Variants in PLSCR4 observed in about 807,000 individuals in gnomAD.
PLSCR4 encodes the protein phospholipid scramblase 4.
In PLSCR4, 25 loss-of-function variants were observed where a neutral mutation model predicts 36.3. The ratio of observed to expected loss-of-function variants is 0.69; its 90% CI spans 0.50 to 0.96. The LOEUF (loss-of-function observed/expected upper bound fraction) is 0.96, where lower values mean the gene tolerates loss of function less well. Among genes scored for constraint, PLSCR4 ranks in the 40% least tolerant of loss-of-function variants. The pLI is 0.00. For synonymous variants in PLSCR4, 122 were observed against 132.9 expected, an observed-to-expected ratio of 0.92 and a Z score of 0.56; for missense variants, 408 against 414.7, an observed-to-expected ratio of 0.98 and a Z score of 0.14.
chr3:146,203,674 T>A (rs998950231), intron 4 of PLSCR4, among the ~76,000 whole-genome samples: 1 of 151,336 alleles, frequency 6.6e-6, no homozygotes, highest in Non-Finnish European at 1.5e-5. Context: ...AGCTTCAAAC[T>A]TTTTTTTTCT....
At chr3:146,196,415 A>T (rs555988580) in intron 7 of PLSCR4, 1 of 494,550 alleles carries the variant, frequency 2.0e-6, no homozygotes, top group African/African-American at 1.9e-5. Flanking sequence ...TTTTATTTTT[A>T]TCAAGTACTG....
At chr3:146,221,886 G>A (rs2077799289) in intron 2 of PLSCR4, among the ~76,000 whole-genome samples, 179 bp downstream of exon 2, 1 of 151,744 alleles carries the variant, frequency 6.6e-6, no homozygotes, top group Admixed American at 6.6e-5. Flanking sequence ...TGATAGGAAT[G>A]TCTATATACA....
chr3:146,201,794 T>C lies in PLSCR4; in HGVS notation c.355-717A>G, dbSNP rs566770383. Among the ~76,000 whole-genome samples the C allele has an allele frequency of 1.2e-4, 18 of 152,074 alleles. No homozygotes were observed. The Middle Eastern group carries it at 9.5e-3, about 80-fold the overall frequency. The stretch of plus-strand genomic sequence containing the variant: ...ATTAGAGAAATTTCTATCTTAGGAA[T>C]CATTCTAAAGATGAGCAGTTTGATG... On this transcript the variant is annotated intron_variant, in intron 4 of 8. Coordinates refer to ENST00000354952, the MANE Select transcript of PLSCR4 (RefSeq NM_020353.3).
intron 3 of PLSCR4, among the ~76,000 whole-genome samples, chr3:146,213,507 G>C (rs2034731608): frequency 6.6e-6 from 1 of 151,842 alleles, no homozygotes; most frequent in Non-Finnish European, 1.5e-5. Flanking sequence ...ATTTTTAGTA[G>C]AGATGGGATT....
chr3:146,214,083 A>G (rs1216034255), intron 3 of PLSCR4, among the ~76,000 whole-genome samples: 1 of 149,624 alleles, frequency 6.7e-6, no homozygotes, highest in Admixed American at 6.6e-5. Flanking sequence ...TTTTCCCTTA[A>G]GGTGGAAAGT....
chr3:146,195,489 T>G (rs2033685192), intron 7 of PLSCR4, among the ~76,000 whole-genome samples: 1 of 152,224 alleles, frequency 6.6e-6, no homozygotes, highest in Non-Finnish European at 1.5e-5. Flanking sequence ...AGTCTCAGAC[T>G]GCTGCTCTTT....
chr3:146,194,450 G>A lies in PLSCR4; in HGVS notation c.951C>T (p.Phe317=), dbSNP rs771711885. ...MIFGACFLID[F]MYFERSPPQR... ...GTGGTGGAGATCTTTCAAAATACAT[G>A]AAGTCCTGAAATTGGAAAAAGAATT... Residue 317 remains phenylalanine (F), a synonymous_variant, in exon 9 of 9, where the codon TTC becomes TTT. Transcript: ENST00000354952. 2 of 1,591,434 alleles carry A rather than the reference G, an allele frequency of 1.3e-6. No homozygotes were observed. The highest frequency in any genetic ancestry group is 2.7e-5 in the African/African-American group (2 of 74,380).
At chr3:146,213,334 C>CTTTTTTTTTTTTT (rs60242461) in intron 3 of PLSCR4, among the ~76,000 whole-genome samples, 3 of 125,514 alleles carry the variant, frequency 2.4e-5, no homozygotes, top group Admixed American at 8.5e-5. Context: ...GTAAAATTTC[C>CTTTTTTTTTTTTT]TTTTTTTTTT....
chr3:146,213,452 G>A (rs1005032678), intron 3 of PLSCR4, among the ~76,000 whole-genome samples: 5 of 149,484 alleles, frequency 3.3e-5, no homozygotes, highest in Admixed American at 6.8e-5. Context: ...CTGTCTCAGT[G>A]TCCCAAGTAG....
intron 1 of PLSCR4, among the ~76,000 whole-genome samples, chr3:146,225,551 A>G (rs952262218): frequency 6.6e-6 from 1 of 152,186 alleles, no homozygotes; most frequent in African/African-American, 2.4e-5. Context: ...CAGGCATGGC[A>G]GGCAGCAGGT....
chr3:146,224,219 T>C (rs1411216267), intron 1 of PLSCR4, among the ~76,000 whole-genome samples: 2 of 152,202 alleles, frequency 1.3e-5, no homozygotes, highest in African/African-American at 4.8e-5. Context: ...ACTTGCCTAA[T>C]GTCCATCAAT....
At chr3:146,229,277 A>T (rs1297416987) in intron 1 of PLSCR4, among the ~76,000 whole-genome samples, 1 of 152,208 alleles carries the variant, frequency 6.6e-6, no homozygotes, top group Non-Finnish European at 1.5e-5. Flanking sequence ...TGCCAGAAAG[A>T]ATCATGATGT....
intron 1 of PLSCR4, among the ~76,000 whole-genome samples, chr3:146,243,408 CAAAG>C (rs2036227525): frequency 6.6e-6 from 1 of 151,926 alleles, no homozygotes. Flanking sequence ...TTCTTGAAAA[CAAAG>C]AAATGAACAA....
At chr3:146,226,735 C>G (rs1340153204) in intron 1 of PLSCR4, among the ~76,000 whole-genome samples, 3 of 152,144 alleles carry the variant, frequency 2.0e-5, no homozygotes, top group Non-Finnish European at 4.4e-5. Flanking sequence ...AGAAAAGTAA[C>G]AGTTCTCAAC....
chr3:146,210,623 T>C (rs1476467193), intron 3 of PLSCR4, among the ~76,000 whole-genome samples: 1 of 134,132 alleles, frequency 7.5e-6, no homozygotes, highest in African/African-American at 2.6e-5. Context: ...TTGATCCTTT[T>C]TTAAAATGTA....
intron 1 of PLSCR4, chr3:146,250,535 T>C (rs556977494): frequency 6.6e-6 from 1 of 152,120 alleles, no homozygotes; most frequent in East Asian, 1.9e-4. Context: ...AATTAAAAAG[T>C]TACTATAAAT....
At position 146,233,377 on chromosome 3, in the gene PLSCR4, ATTTT is replaced by A. The variant is rs1163659775; in HGVS notation, c.-21-11289_-21-11286del. ...GTAGGTAAAACAGTCATATTTCAAA[ATTTT>A]TGAACAGATAACTGTTGTTACATTT... On this transcript the variant is annotated intron_variant, in intron 1 of 8. Transcript: ENST00000354952. Among the ~76,000 whole-genome samples the A allele has an allele frequency of 4.6e-5, 7 of 152,100 alleles. 1 individual carries two copies. The highest frequency in any genetic ancestry group is 1.7e-4 in the African/African-American group (7 of 41,444).
chr3:146,206,746 G>C lies in PLSCR4; in HGVS notation c.134C>G (p.Ala45Gly), dbSNP rs775394888. The change falls in exon 4 of 9, where the codon GCT becomes GGT. Residue 45 changes from alanine to glycine, a missense_variant. Ala to Gly is a moderately conservative substitution (Grantham distance 60, BLOSUM62 0). Transcript: ENST00000354952. ...SHFLPGPPGTAVPPPTGYPGG... is the reference protein window; with the variant it reads ...SHFLPGPPGTGVPPPTGYPGG... Reference sequence around the variant, plus strand: ...TGGGTAGCCAGTAGGTGGAGGGACAGCTGTTCCAGGGGGTCCTGTGTTCAA... The same window carrying C: ...TGGGTAGCCAGTAGGTGGAGGGACACCTGTTCCAGGGGGTCCTGTGTTCAA... The C allele has an allele frequency of 6.3e-7, 1 of 1,589,098 alleles. No homozygotes were observed. The highest frequency in any genetic ancestry group is 8.6e-7 in the Non-Finnish European group (1 of 1,165,932).
chr3:146,248,595 T>C (rs568707835), intron 1 of PLSCR4, among the ~76,000 whole-genome samples: 1 of 152,322 alleles, frequency 6.6e-6, no homozygotes, highest in South Asian at 2.1e-4. Context: ...TACAATGTTT[T>C]AAACTGTATA....
Sources: gnomAD v4.1 joint callset for allele counts (sites outside exome capture counted in the v4.1 genomes callset) on GRCh38, gnomAD v4.1.1 for gene constraint, MANE v1.5 for transcripts, NCBI Gene and HGNC (gene_info 2026-07-23, HGNC 2026-07-21) for gene names.